Variants in RAD23B observed in about 807,000 individuals in gnomAD.
The protein encoded by RAD23B is lysine-specific demethylase RAD23B.
Under a neutral mutation model 49.1 loss-of-function variants are expected in RAD23B, and 5 were observed. That is an observed-to-expected ratio of 0.10 (90% CI 0.05 to 0.21). The LOEUF (loss-of-function observed/expected upper bound fraction) is 0.21, where lower values mean the gene tolerates loss of function less well. Ranked by LOEUF, RAD23B falls within the 10% of genes least tolerant of loss-of-function variation. The pLI, the probability that RAD23B is intolerant of heterozygous loss-of-function variation, is 1.00. For synonymous variants in RAD23B, 184 were observed against 165.4 expected (o/e 1.11, Z -0.86); for missense variants, 356 against 486.7 (o/e 0.73, Z 2.53).
Position 107,283,405 on chromosome 9 carries a change from C to T in RAD23B, c.-225C>T, listed in dbSNP as rs1833196028. Reference sequence around the variant, plus strand: ...CGGCGCGTGAGGAAGCACGGCGGCCCGAGTTCGCGGGGAAGGCCGCAGTCG... The same window carrying T: ...CGGCGCGTGAGGAAGCACGGCGGCCTGAGTTCGCGGGGAAGGCCGCAGTCG... On this transcript the variant is annotated 5_prime_UTR_variant, in exon 1 of 10. Transcript: ENST00000358015. 1 of 429,598 alleles carries T rather than the reference C, an allele frequency of 2.3e-6. No individual in the cohort carries two copies. Among genetic ancestry groups the T allele is most frequent in the Non-Finnish European group, 4.0e-6 (1 of 246,914 alleles). 26.6% of individuals were successfully genotyped at this position (429,598 alleles called of 1,614,324 possible).
chr9:107,314,503 T>TA (rs1254936714), intron 5 of RAD23B, among the ~76,000 whole-genome samples: 2 of 152,194 alleles, frequency 1.3e-5, no homozygotes, highest in African/African-American at 4.8e-5. Flanking sequence ...CATGTTGCTG[T>TA]AAAAAAGACA....
At chr9:107,306,080 T>TATATA in intron 3 of RAD23B, among the ~76,000 whole-genome samples, 3 of 58,052 alleles carry the variant, frequency 5.2e-5, no homozygotes, top group Non-Finnish European at 7.0e-5. Context: ...TATCTATATA[T>TATATA]CTATATATAT....
chr9:107,323,957 T>C lies in RAD23B; in HGVS notation c.885T>C (p.Asn295=), dbSNP rs1827155002. ...AGATGAGACAAATTATTCAGCAGAA[T>C]CCTTCCTTGCTTCCAGCGTTACTAC... is the stretch of plus-strand genomic sequence containing the variant. ...FQQMRQIIQQ[N]PSLLPALLQQ... The change falls in exon 8 of 10, where the codon AAT becomes AAC. Residue 295 remains asparagine (N), a synonymous_variant. Transcript: ENST00000358015. The C allele has an allele frequency of 1.2e-6, 2 of 1,612,858 alleles. No homozygotes were observed. The highest frequency in any genetic ancestry group is 1.7e-5 in the Admixed American group (1 of 60,004).
Position 107,295,708 on chromosome 9 carries a change from G to C in RAD23B, c.67-4433G>C, listed in dbSNP as rs11573649. Among the ~76,000 whole-genome samples, 840 of 152,258 alleles carry C rather than the reference G, an allele frequency of 5.5e-3. 7 individuals are homozygous for C. Among genetic ancestry groups the C allele is most frequent in the African/African-American group, 0.019 (806 of 41,540 alleles). On this transcript the variant is annotated intron_variant, in intron 1 of 9. Coordinates refer to ENST00000358015, the MANE Select transcript of RAD23B (RefSeq NM_002874.5). Reference sequence around the variant, plus strand: ...ATTTAGTGTATCCTTTTCTCCACTAGCATTTAGAAAACGGTATAAATGTAG... The same window carrying C: ...ATTTAGTGTATCCTTTTCTCCACTACCATTTAGAAAACGGTATAAATGTAG...
At chr9:107,328,771 G>A (rs753469340) in intron 9 of RAD23B, among the ~76,000 whole-genome samples, 3 of 152,288 alleles carry the variant, frequency 2.0e-5, no homozygotes, top group Non-Finnish European at 4.4e-5. Flanking sequence ...TGGGACCTGT[G>A]ATCTAACTCA....
rs1827306149 is a variant in RAD23B at position 107,331,513 on chromosome 9, A to G, written c.*1857A>G. The G allele has an allele frequency of 5.0e-6, 3 of 597,960 alleles. No homozygotes were observed. In the South Asian group the frequency reaches 6.5e-5, roughly 13 times the overall value. 37.0% of individuals were successfully genotyped at this position (597,960 alleles called of 1,614,324 possible). Reference sequence around the variant, plus strand: ...GGACTTTGTATTACCTGTATGTTTTATAATGGATCATGCATAATTTCTCAG... The same window carrying G: ...GGACTTTGTATTACCTGTATGTTTTGTAATGGATCATGCATAATTTCTCAG... On this transcript the variant is annotated 3_prime_UTR_variant, in exon 10 of 10. Coordinates refer to ENST00000358015, the MANE Select transcript of RAD23B (RefSeq NM_002874.5).
chr9:107,287,465 A>G (rs1483519700), intron 1 of RAD23B, among the ~76,000 whole-genome samples: 2 of 152,242 alleles, frequency 1.3e-5, no homozygotes, highest in African/African-American at 4.8e-5. Flanking sequence ...GTTTTTGCTA[A>G]GAGAATTGCA....
intron 9 of RAD23B, among the ~76,000 whole-genome samples, chr9:107,327,919 A>T (rs1356326647): frequency 1.3e-5 from 2 of 152,104 alleles, no homozygotes; most frequent in African/African-American, 2.4e-5. Flanking sequence ...TGTCTTCCTG[A>T]ACCCTTTTTA....
intron 3 of RAD23B, among the ~76,000 whole-genome samples, chr9:107,305,335 T>C (rs1314437683): frequency 1.3e-5 from 2 of 152,078 alleles, no homozygotes; most frequent in Non-Finnish European, 2.9e-5. Flanking sequence ...CGAGAGAGAA[T>C]ATTTTTAGTG....
At position 107,283,584 on chromosome 9, in the gene RAD23B, G is replaced by A; in HGVS notation, c.-46G>A. 6.9e-7 allele frequency: 1 copy of A among 1,451,514 alleles called. No homozygotes were observed. The highest frequency in any genetic ancestry group is 1.5e-5 in the African/African-American group (1 of 67,486). 89.9% of individuals were successfully genotyped at this position (1,451,514 alleles called of 1,614,324 possible). On this transcript the variant is annotated 5_prime_UTR_variant, in exon 1 of 10. Transcript: ENST00000358015. Reference sequence around the variant, plus strand: ...GCCAGGCCACAGACCCCGCCCAGCGGCCAGCACCCGGCGCAGGCCCGGCAG... The same window carrying A: ...GCCAGGCCACAGACCCCGCCCAGCGACCAGCACCCGGCGCAGGCCCGGCAG...
rs1034737057 is a variant in RAD23B, at chr9:107,325,141, C to T, written c.1116+137C>T. 6.1e-6 allele frequency: 4 copies of T among 658,376 alleles called. No individual in the cohort carries two copies. In the African/African-American group the frequency reaches 7.5e-5, roughly 12 times the overall value. The allele number at this position is 658,376 out of a possible 1,614,324, so 40.8% of individuals were successfully genotyped here. ...ACCAGCCTGGCCAACGTGGTGAAAC[C>T]CCATCTCTACTAAAAATACAAAAAT... On this transcript the variant is annotated intron_variant, in intron 9 of 9. Transcript: ENST00000358015.
chr9:107,297,948 C>G (rs937715919), intron 1 of RAD23B, among the ~76,000 whole-genome samples: 3 of 152,090 alleles, frequency 2.0e-5, no homozygotes, highest in African/African-American at 7.2e-5. Flanking sequence ...TGTCTATGCT[C>G]TGTTCATTTA....
intron 2 of RAD23B, 66 bp from the exon 3 acceptor site, chr9:107,301,969 T>G: frequency 6.4e-7 from 1 of 1,560,494 alleles, no homozygotes; most frequent in Non-Finnish European, 8.6e-7. Flanking sequence ...AGTAGAAAGT[T>G]GTTTTAACTG....
chr9:107,284,995 TTTAC>T, intron 1 of RAD23B: 1 of 1,267,898 alleles, frequency 7.9e-7, no homozygotes, highest in South Asian at 1.3e-5. Flanking sequence ...AGTGTTACGT[TTTAC>T]TTATCTCATT....
At chr9:107,313,658 G>C (rs979452088) in intron 5 of RAD23B, among the ~76,000 whole-genome samples, 1 of 152,176 alleles carries the variant, frequency 6.6e-6, no homozygotes. Context: ...CCAAATTACA[G>C]CTGCAGTACA....
chr9:107,326,180 T>G (rs1041814712), intron 9 of RAD23B, among the ~76,000 whole-genome samples: 2 of 152,158 alleles, frequency 1.3e-5, no homozygotes, highest in African/African-American at 4.8e-5. Flanking sequence ...GTAGTTTTTT[T>G]GTGATGTTTT....
chr9:107,331,581 C>T lies in RAD23B; in HGVS notation c.*1925C>T, dbSNP rs963606638. 1 of 702,942 alleles carries T rather than the reference C, an allele frequency of 1.4e-6. No homozygotes were observed. The highest frequency in any genetic ancestry group is 1.8e-5 in the African/African-American group (1 of 55,978). The allele number at this position is 702,942 out of a possible 1,614,324, so 43.5% of individuals were successfully genotyped here. A position where few individuals can be genotyped will look rare whatever the true frequency, so the allele number is the denominator to read the frequency against. The stretch of plus-strand genomic sequence containing the variant: ...TCATATATACGTTCATCTTTCAAGT[C>T]AGAGCAATGAGTTGGGAAAAGAGGT... On this transcript the variant is annotated 3_prime_UTR_variant, in exon 10 of 10. Coordinates refer to ENST00000358015, the MANE Select transcript of RAD23B (RefSeq NM_002874.5).
chr9:107,306,203 A>C (rs1274225935), intron 3 of RAD23B, among the ~76,000 whole-genome samples, 176 bp from the exon 4 acceptor site: 1 of 151,368 alleles, frequency 6.6e-6, no homozygotes, highest in Non-Finnish European at 1.5e-5. Context: ...TGAAAGAGTA[A>C]CCATGAGTCA....
At chr9:107,315,457 C>G (rs1413380851) in intron 5 of RAD23B, among the ~76,000 whole-genome samples, 1 of 152,106 alleles carries the variant, frequency 6.6e-6, no homozygotes, top group Admixed American at 6.6e-5. Flanking sequence ...TCATCACCAC[C>G]TCTTTTGCCT....
Sources: gnomAD v4.1 joint callset for allele counts (sites outside exome capture counted in the v4.1 genomes callset) on GRCh38, gnomAD v4.1.1 for gene constraint, MANE v1.5 for transcripts, NCBI Gene and HGNC (gene_info 2026-07-23, HGNC 2026-07-21) for gene names.